Variants in ARFGEF1 observed in about 807,000 individuals in gnomAD.
ARFGEF1 encodes ARF guanine nucleotide exchange factor 1, also known as brefeldin A-inhibited guanine nucleotide-exchange protein 1.
In ARFGEF1, 42 loss-of-function variants were observed where a neutral mutation model predicts 231.0. The observed-to-expected ratio is 0.18, with a 90% CI of 0.14 to 0.24. The LOEUF (loss-of-function observed/expected upper bound fraction) is 0.24, where lower values mean the gene tolerates loss of function less well. Ranked by LOEUF, ARFGEF1 falls within the 10% of genes least tolerant of loss-of-function variation. ARFGEF1 has a pLI of 1.00. For missense variants in ARFGEF1, 1,345 were observed against 2,192.0 expected (o/e 0.61, Z 7.72); for synonymous variants, 710 against 732.3 (o/e 0.97, Z 0.49).
At chr8:67,326,812 T>G (rs149973741) in intron 1 of ARFGEF1, among the ~76,000 whole-genome samples, 36 of 152,322 alleles carry the variant, frequency 2.4e-4, no homozygotes, top group African/African-American at 7.7e-4. Flanking sequence ...AGTCACAGTT[T>G]CCAAGAACCT....
intron 7 of ARFGEF1, among the ~76,000 whole-genome samples, chr8:67,281,944 T>C (rs1805553151): frequency 6.6e-6 from 1 of 152,110 alleles, no homozygotes; most frequent in Admixed American, 6.6e-5. Context: ...ACTTTTTATG[T>C]TTCTGGAGGA....
chr8:67,301,802 A>C lies in ARFGEF1; in HGVS notation c.156-422T>G, dbSNP rs1005732729. On this transcript the variant is annotated intron_variant, in intron 2 of 38. Transcript: ENST00000262215. Reference sequence around the variant, plus strand: ...GCCAACACTATCAAAAAACCTAGTAATTTTTCCAAATATGAATCAAAGTCT... The same window carrying C: ...GCCAACACTATCAAAAAACCTAGTACTTTTTCCAAATATGAATCAAAGTCT... Among the ~76,000 whole-genome samples the C allele has an allele frequency of 3.9e-5, 6 of 152,164 alleles. No homozygotes were observed. In the East Asian group the frequency reaches 1.2e-3, roughly 29 times the overall value.
At chr8:67,211,878 T>A (rs1035326335) in intron 33 of ARFGEF1, among the ~76,000 whole-genome samples, 1 of 152,158 alleles carries the variant, frequency 6.6e-6, no homozygotes, top group African/African-American at 2.4e-5. Flanking sequence ...GTAGAGAAAC[T>A]GGTCAGCAAT....
downstream of ARFGEF1, chr8:67,196,342 C>G (rs922387452): frequency 6.6e-6 from 1 of 152,182 alleles, no homozygotes; most frequent in Non-Finnish European, 1.5e-5. Flanking sequence ...GAGTCAAGGA[C>G]AGAGAGACTG....
chr8:67,229,562 C>A (rs1249169378), intron 23 of ARFGEF1, among the ~76,000 whole-genome samples: 1 of 151,952 alleles, frequency 6.6e-6, no homozygotes, highest in Non-Finnish European at 1.5e-5. Context: ...AGCAGTAATT[C>A]CAAAATCTGG....
intron 22 of ARFGEF1, among the ~76,000 whole-genome samples, chr8:67,237,512 TA>T (rs906152481): frequency 2.5e-4 from 38 of 152,238 alleles, no homozygotes; most frequent in African/African-American, 8.7e-4. Flanking sequence ...GAGGAATCAC[TA>T]AAAGATAGAA....
In ARFGEF1 at chr8:67,218,205, AAAATATATAT is replaced by A. The variant is rs1418041088; in HGVS notation, c.4339-77_4339-68del. Reference sequence around the variant, plus strand: ...ACTACTATGATTAAAAAAAAAAAAAAAAATATATATATATATATATATATATATAAATGTT... The same window carrying A: ...ACTACTATGATTAAAAAAAAAAAAAAATATATATATATATATATAAATGTT... On this transcript the variant is annotated intron_variant, in intron 30 of 38. Transcript: ENST00000262215. The A allele has an allele frequency of 8.2e-4, 128 of 155,594 alleles. 5 individuals carry two copies. Among genetic ancestry groups the A allele is most frequent in the Non-Finnish European group, 1.0e-3 (108 of 105,676 alleles). 9.6% of individuals were successfully genotyped at this position (155,594 alleles called of 1,614,324 possible).
At chr8:67,289,549 CAAAAAAAAAAAAAAAAA>C (rs552601455) in intron 6 of ARFGEF1, among the ~76,000 whole-genome samples, 2 of 44,846 alleles carry the variant, frequency 4.5e-5, no homozygotes, top group Admixed American at 2.9e-4. Context: ...ACTCTGTATC[CAAAAAAAAAAAAAAAAA>C]AAAAAAAAAA....
Position 67,201,520 on chromosome 8 carries a change from G to A in ARFGEF1, c.5214C>T (p.Tyr1738=), listed in dbSNP as rs1191822415. The A allele has an allele frequency of 1.9e-6, 3 of 1,613,398 alleles. No homozygotes were observed. In the South Asian group the frequency reaches 3.3e-5, roughly 18 times the overall value. The change falls in exon 37 of 39, where the codon TAC becomes TAT. Residue 1738 remains tyrosine (Y), a synonymous_variant. Coordinates refer to ENST00000262215, the MANE Select transcript of ARFGEF1 (RefSeq NM_006421.5). ...AGGCACTAACGCGGCTCTCATCCAT[G>A]TACATCCGGAAGAGAATGCGCAGCC... is the stretch of plus-strand genomic sequence containing the variant. ...ACGLRILFRM[Y]MDESRVSAWE... is the part of the protein sequence containing the mutation.
intron 5 of ARFGEF1, among the ~76,000 whole-genome samples, chr8:67,292,400 A>G (rs1056652206): frequency 6.6e-6 from 1 of 152,186 alleles, no homozygotes; most frequent in African/African-American, 2.4e-5. Context: ...ACACACGCAC[A>G]CACATTCACT....
intron 17 of ARFGEF1, among the ~76,000 whole-genome samples, chr8:67,256,447 C>T (rs1840456581): frequency 6.6e-6 from 1 of 152,042 alleles, no homozygotes; most frequent in Non-Finnish European, 1.5e-5. Context: ...TTGGTATATA[C>T]TTTCCTTATC....
intron 5 of ARFGEF1, among the ~76,000 whole-genome samples, chr8:67,180,822 CT>C (rs1413446760): frequency 1.3e-5 from 2 of 151,728 alleles, no homozygotes; most frequent in Non-Finnish European, 2.9e-5. Flanking sequence ...TTTATTTAGT[CT>C]TCAGAAGATA....
At chr8:67,257,557 T>G (rs1840501410) in intron 17 of ARFGEF1, among the ~76,000 whole-genome samples, 175 bp downstream of exon 17, 1 of 152,204 alleles carries the variant, frequency 6.6e-6, no homozygotes, top group East Asian at 1.9e-4. Context: ...AAGTCTAATT[T>G]TAATTACTAC....
At chr8:67,211,028 G>T (rs1208019109) in intron 34 of ARFGEF1, among the ~76,000 whole-genome samples, 1 of 144,574 alleles carries the variant, frequency 6.9e-6, no homozygotes, top group Non-Finnish European at 1.5e-5. Flanking sequence ...TAGGCGACAG[G>T]GTGAGACTCC....
In ARFGEF1 at chr8:67,343,445, G is replaced by A; in HGVS notation, c.-158C>T. 1 of 1,371,174 alleles carries A rather than the reference G, an allele frequency of 7.3e-7. No individual in the cohort carries two copies. The highest frequency in any genetic ancestry group is 9.4e-7 in the Non-Finnish European group (1 of 1,058,796). The allele number at this position is 1,371,174 out of a possible 1,614,324, so 84.9% of individuals were successfully genotyped here. On this transcript the variant is annotated 5_prime_UTR_variant, in exon 1 of 39. Coordinates refer to ENST00000262215, the MANE Select transcript of ARFGEF1 (RefSeq NM_006421.5). ...GCGGCAGGATCAGGAAGGGGCGGGC[G>A]AGCGGGACCAGCCGCGGTGTCGGCG...
At chr8:67,257,923 C>A in intron 16 of ARFGEF1, 107 bp from the exon 17 acceptor site, 1 of 1,206,486 alleles carries the variant, frequency 8.3e-7, no homozygotes, top group Non-Finnish European at 1.2e-6. Flanking sequence ...AAGTATCTCA[C>A]ATTACAATTT....
intron 3 of ARFGEF1, among the ~76,000 whole-genome samples, chr8:67,299,563 T>A (rs548634732): frequency 6.6e-6 from 1 of 152,198 alleles, no homozygotes; most frequent in Non-Finnish European, 1.5e-5. Context: ...CTTGTAATAA[T>A]CACAAAAACA....
intron 1 of ARFGEF1, among the ~76,000 whole-genome samples, chr8:67,305,063 G>A (rs540767003): frequency 6.6e-6 from 1 of 152,260 alleles, no homozygotes; most frequent in South Asian, 2.1e-4. Flanking sequence ...GGATATTCTA[G>A]TTAAGTAAAT....
rs536770696 is a variant in ARFGEF1, at chr8:67,259,057, A to G, written c.2235+758T>C. Among the ~76,000 whole-genome samples the G allele has an allele frequency of 2.0e-5, 3 of 152,336 alleles. No homozygotes were observed. The South Asian group carries it at 6.2e-4, about 32-fold the overall frequency. On this transcript the variant is annotated intron_variant, in intron 15 of 38. Transcript: ENST00000262215. Reference sequence around the variant, plus strand: ...ATAGGTTTTCTGTATTGCTTAGGAAATAACTACAAGAAAAAAAGTTCGTAC... The same window carrying G: ...ATAGGTTTTCTGTATTGCTTAGGAAGTAACTACAAGAAAAAAAGTTCGTAC...
Sources: allele counts gnomAD v4.1 joint callset (sites outside exome capture counted in the v4.1 genomes callset), GRCh38; gene constraint gnomAD v4.1.1; transcripts MANE v1.5; gene names NCBI Gene and HGNC (gene_info 2026-07-23, HGNC 2026-07-21).